RAB2B: variants seen among roughly 807,000 people sequenced by gnomAD.
The protein encoded by RAB2B is RAB2B, member RAS oncogene family.
In RAB2B, 20 loss-of-function variants were observed where a neutral mutation model predicts 29.8. That is an observed-to-expected ratio of 0.67 (90% CI 0.47 to 0.97). RAB2B has a LOEUF of 0.97. RAB2B is among the 50% of genes least tolerant of loss of function. The pLI, the probability that RAB2B is intolerant of heterozygous loss-of-function variation, is 0.00. For missense variants in RAB2B, 218 were observed against 272.0 expected (o/e 0.80, Z 1.40); for synonymous variants, 93 against 91.7 (o/e 1.01, Z -0.08).
Position 21,461,193 on chromosome 14 carries a change from T to A in RAB2B, c.*3A>T, listed in dbSNP as rs1194077537. On this transcript the variant is annotated 3_prime_UTR_variant, in exon 8 of 8. Transcript: ENST00000397762. ...AAGGACAAAAAAAGTTCAAGCCAGA[T>A]GTTCAGCAGCAGCCAGAGTTGGACC... 1.2e-6 allele frequency: 2 copies of A among 1,604,262 alleles called. No individual in the cohort carries two copies. The highest frequency in any genetic ancestry group is 1.7e-6 in the Non-Finnish European group (2 of 1,173,958).
chr14:21,476,934 T>C lies in RAB2B; in HGVS notation c.-62A>G. The C allele has an allele frequency of 6.4e-7, 1 of 1,552,154 alleles. No homozygotes were observed. The highest frequency in any genetic ancestry group is 8.9e-7 in the Non-Finnish European group (1 of 1,127,420). On this transcript the variant is annotated 5_prime_UTR_variant, in exon 1 of 8. Transcript: ENST00000397762. ...TCTATAGCCACTTACCTCCGACCTCTCTAGCCACTCAATCTACCGATCTTC... is the reference window on the plus strand; with the variant it reads ...TCTATAGCCACTTACCTCCGACCTCCCTAGCCACTCAATCTACCGATCTTC...
At chr14:21,471,652 C>G (rs1353766080) in intron 3 of RAB2B, among the ~76,000 whole-genome samples, 1 of 144,428 alleles carries the variant, frequency 6.9e-6, no homozygotes, top group African/African-American at 2.5e-5. Context: ...GATGCAGCAG[C>G]AACGAACTAA....
chr14:21,476,301 T>TATAG (rs1383536417), intron 2 of RAB2B: 1 of 534,918 alleles, frequency 1.9e-6, no homozygotes, highest in Non-Finnish European at 3.3e-6. Context: ...ATATGACGAG[T>TATAG]CTATACCTCA....
chr14:21,471,804 T>C (rs1594414887), intron 3 of RAB2B, among the ~76,000 whole-genome samples: 1 of 151,526 alleles, frequency 6.6e-6, no homozygotes, highest in Non-Finnish European at 1.5e-5. Context: ...GCCTCCCCAG[T>C]AGCTGGCATT....
intron 7 of RAB2B, among the ~76,000 whole-genome samples, chr14:21,462,002 A>G (rs1566465733): frequency 6.6e-6 from 1 of 152,132 alleles, no homozygotes; most frequent in Non-Finnish European, 1.5e-5. Context: ...TTGTTCCAGA[A>G]TTTACTTTAT....
intron 4 of RAB2B, 79 bp from the exon 5 acceptor site, chr14:21,468,528 G>C: frequency 1.4e-6 from 2 of 1,396,920 alleles, no homozygotes; most frequent in Non-Finnish European, 2.0e-6. Flanking sequence ...TACGAAAAGA[G>C]GGGAAGCCAT....
At chr14:21,474,225 C>T (rs1254403562) in intron 3 of RAB2B, among the ~76,000 whole-genome samples, 7 of 152,088 alleles carry the variant, frequency 4.6e-5, no homozygotes, top group Admixed American at 1.3e-4. Flanking sequence ...TTCTGCAATA[C>T]TTAAAAATTG....
chr14:21,463,796 T>C (rs11848193), intron 5 of RAB2B, 29 bp from the exon 6 acceptor site: 1 of 1,380,734 alleles, frequency 7.2e-7, no homozygotes, highest in Admixed American at 2.1e-5. Flanking sequence ...GGAGAAAATT[T>C]AAAAAAAAGA....
intron 6 of RAB2B, among the ~76,000 whole-genome samples, chr14:21,463,365 G>A (rs896699375): frequency 1.3e-5 from 2 of 150,788 alleles, no homozygotes; most frequent in African/African-American, 4.9e-5. Context: ...TCCTGTCTCA[G>A]CCTCCCGAGT....
intron 3 of RAB2B, among the ~76,000 whole-genome samples, chr14:21,474,195 A>T (rs1890890847): frequency 6.6e-6 from 1 of 152,172 alleles, no homozygotes; most frequent in Admixed American, 6.6e-5. Flanking sequence ...CTGTCTCAAA[A>T]AAAAGAATGC....
chr14:21,463,818 G>T, intron 5 of RAB2B, 51 bp from the exon 6 acceptor site: 1 of 1,197,220 alleles, frequency 8.4e-7, no homozygotes, highest in Non-Finnish European at 1.2e-6. Context: ...CCAAGTGAAA[G>T]AGGAAAGTCT....
intron 3 of RAB2B, among the ~76,000 whole-genome samples, chr14:21,470,400 T>G (rs1372660179): frequency 1.3e-5 from 2 of 152,168 alleles, no homozygotes; most frequent in Non-Finnish European, 1.5e-5. Flanking sequence ...TCTTAGCCAC[T>G]ATATCATATA....
chr14:21,474,173 A>G (rs896168727), intron 3 of RAB2B, among the ~76,000 whole-genome samples: 23 of 152,118 alleles, frequency 1.5e-4, no homozygotes, highest in African/African-American at 5.6e-4. Flanking sequence ...CCTGGGTGAC[A>G]AGAGTGAATC....
Position 21,460,078 on chromosome 14 carries a change from A to T in RAB2B, c.*1118T>A, listed in dbSNP as rs1292107050. The T allele has an allele frequency of 5.9e-6, 3 of 505,380 alleles. No homozygotes were observed. Among genetic ancestry groups the T allele is most frequent in the Non-Finnish European group, 1.2e-5 (3 of 253,916 alleles). The allele number at this position is 505,380 out of a possible 1,614,324, so 31.3% of individuals were successfully genotyped here. ...ATAATAGGATAGTAGAGAAGTACTC[A>T]GTGCTCTTGGGCAAGTAGAGGAAAC... is the stretch of plus-strand genomic sequence containing the variant. On this transcript the variant is annotated 3_prime_UTR_variant, in exon 8 of 8. Transcript: ENST00000397762.
Position 21,460,441 on chromosome 14 carries a change from C to T in RAB2B, c.*755G>A. ...CTCTACTAAAAATACAAAAATGAGC[C>T]AGGTGTGGTGGCACATGCCTGTAGT... On this transcript the variant is annotated 3_prime_UTR_variant, in exon 8 of 8. Transcript: ENST00000397762. The T allele has an allele frequency of 2.8e-6, 1 of 362,216 alleles. No individual in the cohort carries two copies. Among genetic ancestry groups the T allele is most frequent in the Non-Finnish European group, 5.5e-6 (1 of 182,992 alleles). The allele number at this position is 362,216 out of a possible 1,614,324, so 22.4% of individuals were successfully genotyped here.
At chr14:21,465,488 T>A (rs1890665488) in intron 5 of RAB2B, among the ~76,000 whole-genome samples, 1 of 152,216 alleles carries the variant, frequency 6.6e-6, no homozygotes, top group African/African-American at 2.4e-5. Flanking sequence ...AATATGTACC[T>A]TAAAATTATC....
At chr14:21,473,322 AT>A (rs560119495) in intron 3 of RAB2B, among the ~76,000 whole-genome samples, 38 of 152,350 alleles carry the variant, frequency 2.5e-4, no homozygotes, top group African/African-American at 8.4e-4. Context: ...GCCAAATATT[AT>A]TTACTAGCTA....
At chr14:21,467,484 C>T (rs984275167) in intron 5 of RAB2B, among the ~76,000 whole-genome samples, 1 of 152,160 alleles carries the variant, frequency 6.6e-6, no homozygotes. Flanking sequence ...ATAAAAAATA[C>T]TCATGTTGTT....
At chr14:21,464,955 C>T (rs139030270) in intron 5 of RAB2B, among the ~76,000 whole-genome samples, 6 of 151,774 alleles carry the variant, frequency 4.0e-5, no homozygotes, top group African/African-American at 1.5e-4. Flanking sequence ...GAGCTGAGCA[C>T]GTTACTGTAC....
Sources: allele counts gnomAD v4.1 joint callset (sites outside exome capture counted in the v4.1 genomes callset), GRCh38; gene constraint gnomAD v4.1.1; transcripts MANE v1.5; gene names NCBI Gene and HGNC (gene_info 2026-07-23, HGNC 2026-07-21).